The following PRKCA variants were observed in gnomAD, a reference collection of about 807,000 sequenced individuals.
PRKCA encodes protein kinase C alpha type.
Under a neutral mutation model 87.0 loss-of-function variants are expected in PRKCA, and 27 were observed. That is an observed-to-expected ratio of 0.31 (90% CI 0.23 to 0.43). The LOEUF (loss-of-function observed/expected upper bound fraction) is 0.43. Ranked by LOEUF, PRKCA falls within the 20% of genes least tolerant of loss-of-function variation. PRKCA has a pLI of 1.00. For missense variants in PRKCA, 518 were observed against 852.3 expected (o/e 0.61, Z 4.88); for synonymous variants, 329 against 311.1 (o/e 1.06, Z -0.61).
chr17:66,622,652 TAA>T (rs992494528), intron 3 of PRKCA, among the ~76,000 whole-genome samples: 1 of 152,166 alleles, frequency 6.6e-6, no homozygotes, highest in Non-Finnish European at 1.5e-5. Flanking sequence ...ACGCTGCTGA[TAA>T]AGACATACCC....
intron 3 of PRKCA, among the ~76,000 whole-genome samples, chr17:66,629,690 A>G (rs377462771): frequency 6.6e-6 from 1 of 152,218 alleles, no homozygotes; most frequent in East Asian, 1.9e-4. Context: ...GGTGCTAAAA[A>G]AATGGTATCA....
At chr17:66,340,809 A>G (rs888159089) in intron 2 of PRKCA, among the ~76,000 whole-genome samples, 3 of 152,176 alleles carry the variant, frequency 2.0e-5, no homozygotes, top group African/African-American at 7.2e-5. Flanking sequence ...GCCAGAAGCA[A>G]TAAATTTTGT....
chr17:66,483,810 A>G (rs1246517122), intron 2 of PRKCA, among the ~76,000 whole-genome samples: 3 of 152,056 alleles, frequency 2.0e-5, no homozygotes, highest in Non-Finnish European at 4.4e-5. Context: ...TAGAGGCCTT[A>G]CCTTATGCCA....
chr17:66,404,566 G>A (rs1037127567), intron 2 of PRKCA, among the ~76,000 whole-genome samples: 1 of 151,970 alleles, frequency 6.6e-6, no homozygotes, highest in Non-Finnish European at 1.5e-5. Context: ...TTAGTCCTTA[G>A]CAATAACGTT....
intron 2 of PRKCA, among the ~76,000 whole-genome samples, chr17:66,442,997 C>T (rs550043012): frequency 6.6e-6 from 1 of 152,172 alleles, no homozygotes; most frequent in Admixed American, 6.5e-5. Context: ...CCCTGGCCAT[C>T]GTCCCTTTTT....
chr17:66,457,512 C>A (rs1471918031), intron 2 of PRKCA, among the ~76,000 whole-genome samples: 1 of 152,064 alleles, frequency 6.6e-6, no homozygotes, highest in African/African-American at 2.4e-5. Flanking sequence ...AGAGGTTAGC[C>A]ATTGAGATGG....
intron 2 of PRKCA, among the ~76,000 whole-genome samples, chr17:66,443,774 T>G (rs1322109562): frequency 1.3e-5 from 2 of 152,154 alleles, no homozygotes; most frequent in Non-Finnish European, 1.5e-5. Context: ...TAGCTAATAT[T>G]AAATTCCTGA....
At chr17:66,799,463 GTGGTGA>G (rs1975820041) in intron 16 of PRKCA, among the ~76,000 whole-genome samples, 1 of 7,438 alleles carries the variant, frequency 1.3e-4, no homozygotes. Flanking sequence ...GATGGTGGTG[GTGGTGA>G]TGGTGGTGGT....
intron 14 of PRKCA, among the ~76,000 whole-genome samples, chr17:66,781,882 TATATA>T (rs1433113349): frequency 8.5e-4 from 107 of 125,334 alleles, no homozygotes; most frequent in East Asian, 3.2e-3. Context: ...TATATATATA[TATATA>T]GTGTGTGTGT....
intron 2 of PRKCA, among the ~76,000 whole-genome samples, chr17:66,394,377 A>T (rs958175143): frequency 6.6e-6 from 1 of 152,162 alleles, no homozygotes; most frequent in Non-Finnish European, 1.5e-5. Context: ...GCAGGGGAAG[A>T]TTCACTTCCG....
chr17:66,382,237 G>A lies in PRKCA; in HGVS notation c.205+76110G>A, dbSNP rs116295136. Among the ~76,000 whole-genome samples, 418 of 152,218 alleles carry A rather than the reference G, an allele frequency of 2.7e-3. 1 individual carries two copies. Among genetic ancestry groups the A allele is most frequent in the African/African-American group, 8.6e-3 (358 of 41,526 alleles). On this transcript the variant is annotated intron_variant, in intron 2 of 16. Coordinates refer to ENST00000413366, the MANE Select transcript of PRKCA (RefSeq NM_002737.3). ...GCTAGTCTTGTGATCTCTACTCGGG[G>A]GCAATGCACTGAAGAGAAATGCTTT... is the stretch of plus-strand genomic sequence containing the variant.
chr17:66,736,543 G>T lies in PRKCA; in HGVS notation c.1230+881G>T, dbSNP rs370620027. Among the ~76,000 whole-genome samples the T allele has an allele frequency of 1.7e-4, 26 of 152,254 alleles. No individual in the cohort carries two copies. The East Asian group carries it at 3.3e-3, about 19-fold the overall frequency. On this transcript the variant is annotated intron_variant, in intron 10 of 16. Coordinates refer to ENST00000413366, the MANE Select transcript of PRKCA (RefSeq NM_002737.3). ...TCCACCCGCCTCGGCCTCCCAAAGTGCTGGGATTACAGGCATGAGCCACCG... is the reference window on the plus strand; with the variant it reads ...TCCACCCGCCTCGGCCTCCCAAAGTTCTGGGATTACAGGCATGAGCCACCG...
At chr17:66,680,772 A>G (rs559786632) in intron 5 of PRKCA, among the ~76,000 whole-genome samples, 9 of 152,132 alleles carry the variant, frequency 5.9e-5, no homozygotes, top group Non-Finnish European at 1.2e-4. Flanking sequence ...CCTCAGAGTG[A>G]AATTAAAAAT....
intron 2 of PRKCA, among the ~76,000 whole-genome samples, chr17:66,407,653 T>C (rs531132047): frequency 6.6e-6 from 1 of 152,290 alleles, no homozygotes; most frequent in African/African-American, 2.4e-5. Context: ...AGTTTGTATA[T>C]GCACATTTGA....
intron 3 of PRKCA, among the ~76,000 whole-genome samples, chr17:66,545,487 C>A (rs1445735868): frequency 6.6e-6 from 1 of 152,120 alleles, no homozygotes; most frequent in Non-Finnish European, 1.5e-5. Context: ...ATGTTTGTAT[C>A]CTTGTAGTAA....
Position 66,716,153 on chromosome 17 carries a change from GT to G in PRKCA, c.919-16524del, listed in dbSNP as rs546895949. On this transcript the variant is annotated intron_variant, in intron 8 of 16. Transcript: ENST00000413366. The stretch of plus-strand genomic sequence containing the variant: ...CCCAGCCCATTTTCTATCTCCCCGG[GT>G]TTTTTTTTTTAGCACCAGAGAATTA... Among the ~76,000 whole-genome samples, 111 of 145,486 alleles carry G rather than the reference GT, an allele frequency of 7.6e-4. 1 individual carries two copies. The highest frequency in any genetic ancestry group is 3.9e-3 in the South Asian group (18 of 4,558).
intron 3 of PRKCA, among the ~76,000 whole-genome samples, chr17:66,504,076 C>A (rs1347368861): frequency 6.6e-6 from 1 of 152,080 alleles, no homozygotes; most frequent in Non-Finnish European, 1.5e-5. Context: ...CCTTTCTAGA[C>A]CTTTGTTTTC....
rs116958370 is a variant in PRKCA, at chr17:66,467,471, G to A, written c.206-28730G>A. Among the ~76,000 whole-genome samples, 560 of 152,174 alleles carry A rather than the reference G, an allele frequency of 3.7e-3. 2 individuals are homozygous for A. The highest frequency in any genetic ancestry group is 6.4e-3 in the Non-Finnish European group (434 of 68,014). ...TGTGAACAAAATGCTTGTTTAGCTG[G>A]GCAAACACATTTTTTTTTGCAGAAA... On this transcript the variant is annotated intron_variant, in intron 2 of 16. Coordinates refer to ENST00000413366, the MANE Select transcript of PRKCA (RefSeq NM_002737.3).
intron 2 of PRKCA, among the ~76,000 whole-genome samples, chr17:66,346,217 C>T (rs913541565): frequency 6.6e-6 from 1 of 151,860 alleles, no homozygotes. Context: ...CTGCCTCAAC[C>T]TCTCGAGTAG....
Sources: allele counts gnomAD v4.1 joint callset (sites outside exome capture counted in the v4.1 genomes callset), GRCh38; gene constraint gnomAD v4.1.1; transcripts MANE v1.5; gene names NCBI Gene and HGNC (gene_info 2026-07-23, HGNC 2026-07-21).